The following ADGRV1 variants were observed in gnomAD, a reference collection of about 807,000 sequenced individuals.
ADGRV1 encodes G-protein coupled receptor 98.
A neutral mutation model predicts 596.2 loss-of-function variants in ADGRV1; 359 were observed. The observed-to-expected ratio is 0.60, with a 90% CI of 0.55 to 0.66. ADGRV1 has a LOEUF of 0.66. Ranked by LOEUF, ADGRV1 falls within the 30% of genes least tolerant of loss-of-function variation. ADGRV1 has a pLI of 0.00. For synonymous variants in ADGRV1, 2,681 were observed against 2,679.2 expected, an observed-to-expected ratio of 1.00 and a Z score of -0.02; for missense variants, 7,274 against 7,575.6, an observed-to-expected ratio of 0.96 and a Z score of 1.48.
At chr5:90,599,644 C>G (rs1199980396) in intron 1 of ADGRV1, among the ~76,000 whole-genome samples, 2 of 151,768 alleles carry the variant, frequency 1.3e-5, no homozygotes, top group African/African-American at 2.4e-5. Flanking sequence ...TTCTGTGTAA[C>G]TAAGAAGCCA....
chr5:91,045,042 G>A (rs1022999213), intron 85 of ADGRV1, among the ~76,000 whole-genome samples: 3 of 152,212 alleles, frequency 2.0e-5, no homozygotes, highest in Middle Eastern at 3.4e-3. Context: ...GGAAGGAGAA[G>A]AGAACATTCC....
At chr5:90,683,547 T>A in intron 27 of ADGRV1, 39 bp from the exon 28 acceptor site, 1 of 1,463,300 alleles carries the variant, frequency 6.8e-7, no homozygotes, top group Non-Finnish European at 9.2e-7. Context: ...CTGGCTTTAA[T>A]CTCTCTTTTA....
intron 1 of ADGRV1, among the ~76,000 whole-genome samples, chr5:90,614,532 A>G (rs1763105920): frequency 6.6e-6 from 1 of 152,112 alleles, no homozygotes; most frequent in Admixed American, 6.6e-5. Flanking sequence ...TGTGGATGTC[A>G]ATAAATTTTT....
At chr5:90,822,171 C>G (rs1389748189) in intron 75 of ADGRV1, 1 of 153,796 alleles carries the variant, frequency 6.5e-6, no homozygotes, top group Non-Finnish European at 1.4e-5. Context: ...TGGGAGTGAC[C>G]CGATTTTCCA....
chr5:91,036,579 G>T (rs1053922102), intron 85 of ADGRV1, among the ~76,000 whole-genome samples: 1 of 149,072 alleles, frequency 6.7e-6, no homozygotes, highest in Non-Finnish European at 1.5e-5. Context: ...AAAAAAAAAC[G>T]GCCAGGCCTG....
At chr5:90,927,358 T>G (rs1282532673) in intron 83 of ADGRV1, among the ~76,000 whole-genome samples, 1 of 152,132 alleles carries the variant, frequency 6.6e-6, no homozygotes, top group African/African-American at 2.4e-5. Context: ...TTAGCTCTTG[T>G]TGTTGAATTG....
intron 70 of ADGRV1, among the ~76,000 whole-genome samples, chr5:90,795,608 A>G (rs1409247845): frequency 1.3e-5 from 2 of 152,180 alleles, no homozygotes; most frequent in Non-Finnish European, 2.9e-5. Flanking sequence ...ACGGCTCTGA[A>G]GAGAGCAGTG....
chr5:90,712,237 C>G, intron 41 of ADGRV1, 50 bp from the exon 42 acceptor site: 1 of 1,036,252 alleles, frequency 9.7e-7, no homozygotes, highest in Non-Finnish European at 1.3e-6. Context: ...TCTATAGAAA[C>G]TCACAGTGTA....
intron 84 of ADGRV1, among the ~76,000 whole-genome samples, chr5:90,984,616 T>A (rs1231245051): frequency 1.3e-5 from 2 of 152,214 alleles, no homozygotes; most frequent in African/African-American, 2.4e-5. Flanking sequence ...TGTGTCCCAC[T>A]TATTTGGAAA....
chr5:90,894,557 A>G (rs913884146), intron 83 of ADGRV1, among the ~76,000 whole-genome samples: 13 of 152,172 alleles, frequency 8.5e-5, no homozygotes, highest in African/African-American at 2.9e-4. Flanking sequence ...TTCTGCTCCC[A>G]TGACAACACT....
chr5:90,971,071 T>A lies in ADGRV1; in HGVS notation c.17973+5540T>A, dbSNP rs140032948. 6.9e-3 allele frequency among the ~76,000 whole-genome samples: 1,057 copies of A among 152,312 alleles called. 9 individuals carry two copies. Among genetic ancestry groups the A allele is most frequent in the African/African-American group, 0.022 (928 of 41,564 alleles). On this transcript the variant is annotated intron_variant, in intron 84 of 89. Transcript: ENST00000405460. ...TACGTGATGAATGCACAAGCCTCCG[T>A]AGCCGATTTGATCAACTGGAAGAAA...
intron 83 of ADGRV1, among the ~76,000 whole-genome samples, chr5:90,916,661 C>T (rs1773389893): frequency 8.9e-6 from 1 of 112,722 alleles, no homozygotes; most frequent in Non-Finnish European, 1.7e-5. Context: ...GAGACGGAGT[C>T]TCGCTCTGTC....
At chr5:90,972,814 A>G (rs1003908962) in intron 84 of ADGRV1, among the ~76,000 whole-genome samples, 1 of 152,320 alleles carries the variant, frequency 6.6e-6, no homozygotes, top group South Asian at 2.1e-4. Flanking sequence ...GAGCAAACAC[A>G]TTCAAAAGCT....
intron 10 of ADGRV1, among the ~76,000 whole-genome samples, chr5:90,636,572 A>G (rs185638454): frequency 6.6e-6 from 1 of 152,318 alleles, no homozygotes; most frequent in African/African-American, 2.4e-5. Flanking sequence ...ATTAGCTTTT[A>G]GGAAGTTTTG....
chr5:91,028,711 C>T (rs1784219601), intron 85 of ADGRV1, among the ~76,000 whole-genome samples: 1 of 146,242 alleles, frequency 6.8e-6, no homozygotes, highest in African/African-American at 2.5e-5. Context: ...AGCCAAAGTC[C>T]AAGTGAAAAC....
chr5:90,584,432 A>G (rs6881886), intron 1 of ADGRV1, among the ~76,000 whole-genome samples: 13,601 of 152,244 alleles, frequency 0.089, 1,913 homozygotes, highest in African/African-American at 0.31. Context: ...TGCTTTAGGC[A>G]TAACCAACTT....
intron 1 of ADGRV1, among the ~76,000 whole-genome samples, chr5:90,611,568 G>C (rs985118893): frequency 6.6e-6 from 1 of 151,940 alleles, no homozygotes; most frequent in Non-Finnish European, 1.5e-5. Context: ...GAAGAGGAAT[G>C]ATGTCAGTGA....
At chr5:91,114,817 T>G (rs562415274) in intron 87 of ADGRV1, among the ~76,000 whole-genome samples, 104 of 152,306 alleles carry the variant, frequency 6.8e-4, no homozygotes, top group African/African-American at 2.3e-3. Context: ...TTTCCTCTCA[T>G]GCACAGGCAG....
intron 3 of ADGRV1, 43 bp downstream of exon 3, chr5:90,617,996 T>C: frequency 7.1e-7 from 1 of 1,410,142 alleles, no homozygotes; most frequent in East Asian, 2.5e-5. Flanking sequence ...AAGGAGGACT[T>C]ATAAAACTTA....
Sources: allele counts gnomAD v4.1 joint callset (sites outside exome capture counted in the v4.1 genomes callset), GRCh38; gene constraint gnomAD v4.1.1; transcripts MANE v1.5; gene names NCBI Gene and HGNC (gene_info 2026-07-23, HGNC 2026-07-21).